DNAH9: variants seen among roughly 807,000 people sequenced by gnomAD.
DNAH9 encodes the protein DNAH9 variant protein.
Under a neutral mutation model 471.6 loss-of-function variants are expected in DNAH9, and 345 were observed. That is an observed-to-expected ratio of 0.73 (90% CI 0.67 to 0.80). DNAH9 has a LOEUF of 0.80. Ranked by LOEUF, DNAH9 falls within the 30% of genes least tolerant of loss-of-function variation. The pLI, the probability that DNAH9 is intolerant of heterozygous loss-of-function variation, is 0.00. For synonymous variants in DNAH9, 2,093 were observed against 2,123.6 expected, an observed-to-expected ratio of 0.99 and a Z score of 0.40; for missense variants, 5,407 against 5,609.2, an observed-to-expected ratio of 0.96 and a Z score of 1.15.
chr17:11,843,863 G>GTGTGTGTATGTATATATATATA (rs1253794533), intron 49 of DNAH9, among the ~76,000 whole-genome samples: 1 of 46,466 alleles, frequency 2.2e-5, no homozygotes, highest in African/African-American at 8.1e-5. Context: ...GTGTGTGTGT[G>GTGTGTGTATGTATATATATATA]TATATATATA....
intron 17 of DNAH9, among the ~76,000 whole-genome samples, 192 bp downstream of exon 17, chr17:11,669,986 G>C (rs962153738): frequency 1.3e-5 from 2 of 152,106 alleles, no homozygotes; most frequent in East Asian, 3.9e-4. Context: ...ACCAGATAAG[G>C]CCTCTTTGTT....
chr17:11,878,233 ATTAATTC>A (rs1423390769), intron 53 of DNAH9, among the ~76,000 whole-genome samples: 9 of 116,608 alleles, frequency 7.7e-5, no homozygotes, highest in Non-Finnish European at 1.9e-4. Flanking sequence ...AATATGTTCA[ATTAATTC>A]TTAGTTCATG....
chr17:11,618,398 C>T (rs1411212620), intron 5 of DNAH9, among the ~76,000 whole-genome samples: 1 of 151,862 alleles, frequency 6.6e-6, no homozygotes, highest in East Asian at 1.9e-4. Flanking sequence ...CCATCCTGGC[C>T]AACATGGTGA....
chr17:11,610,431 T>C lies in DNAH9; in HGVS notation c.650T>C (p.Ile217Thr), dbSNP rs143037410. Residue 217 changes from isoleucine (I) to threonine (T), a missense_variant, in exon 3 of 69, where the codon ATT (isoleucine) becomes ACT (threonine). Physicochemically the swap from Ile to Thr is moderately conservative, Grantham distance 89 (BLOSUM62 -1). This residue lies in a region of DNAH9 where 767 missense variants were observed against 692.5 expected (regional missense o/e 1.11). Coordinates refer to ENST00000262442, the MANE Select transcript of DNAH9 (RefSeq NM_001372.4). ...ATAGATAAGTCAGTCATCTATGCCA[T>C]TGAGTCTGCAGTGATCAAATGGAGC... ...DSIDKSVIYA[I>T]ESAVIKWSYQ... The C allele has an allele frequency of 9.9e-5, 160 of 1,613,792 alleles. No homozygotes were observed. The highest frequency in any genetic ancestry group is 3.0e-4 in the Admixed American group (18 of 60,012).
intron 42 of DNAH9, among the ~76,000 whole-genome samples, chr17:11,795,071 A>T (rs923591200): frequency 2.0e-5 from 2 of 98,490 alleles, no homozygotes; most frequent in Non-Finnish European, 4.2e-5. Context: ...CTTAAAGTAT[A>T]ATAAAAAAAT....
Position 11,698,190 on chromosome 17 carries a change from A to AT in DNAH9, c.4873-1540dup, listed in dbSNP as rs1325769152. On this transcript the variant is annotated intron_variant, in intron 22 of 68. Transcript: ENST00000262442. ...ATTATATTAATATATTATTATATTAATATAATAATATATTAATAATATAAT... is the reference window on the plus strand; with the variant it reads ...ATTATATTAATATATTATTATATTAATTATAATAATATATTAATAATATAAT... Among the ~76,000 whole-genome samples the AT allele has an allele frequency of 2.2e-3, 37 of 16,962 alleles. 1 individual carries two copies. Among genetic ancestry groups the AT allele is most frequent in the East Asian group, 0.014 (4 of 276 alleles). 11.1% of individuals were successfully genotyped at this position (16,962 alleles called of 152,430 possible).
At chr17:11,740,397 C>A (rs1167801166) in intron 29 of DNAH9, among the ~76,000 whole-genome samples, 2 of 152,284 alleles carry the variant, frequency 1.3e-5, no homozygotes, top group South Asian at 4.1e-4. Flanking sequence ...AGGGTGCCAG[C>A]ACGGTCAGGC....
intron 52 of DNAH9, among the ~76,000 whole-genome samples, chr17:11,873,046 T>C (rs1207497601): frequency 6.6e-6 from 1 of 152,248 alleles, no homozygotes; most frequent in Non-Finnish European, 1.5e-5. Flanking sequence ...CTTTCTGTAG[T>C]GATGATTGTT....
Position 11,792,483 on chromosome 17 carries a change from G to A in DNAH9, c.8062-1020G>A, listed in dbSNP as rs569975192. On this transcript the variant is annotated intron_variant, in intron 41 of 68. Transcript: ENST00000262442. The stretch of plus-strand genomic sequence containing the variant: ...TTAGAGAATTTGTTGAGGTTATTGA[G>A]GGGCTCTAACATTGGTGGTCTCCAC... Among the ~76,000 whole-genome samples, 13 of 152,330 alleles carry A rather than the reference G, an allele frequency of 8.5e-5. No individual in the cohort carries two copies. The South Asian group carries it at 2.7e-3, about 32-fold the overall frequency.
chr17:11,754,793 A>C (rs919437006), intron 33 of DNAH9, among the ~76,000 whole-genome samples: 1 of 152,088 alleles, frequency 6.6e-6, no homozygotes, highest in East Asian at 1.9e-4. Context: ...TGTTCACTCT[A>C]TTGATCATTT....
At chr17:11,784,611 A>G (rs1968795311) in intron 41 of DNAH9, 72 bp downstream of exon 41, 1 of 1,601,640 alleles carries the variant, frequency 6.2e-7, no homozygotes, top group African/African-American at 1.3e-5. Flanking sequence ...TCATAAAAAT[A>G]AGTAGCTAAT....
chr17:11,692,949 A>G (rs939493609), intron 20 of DNAH9, among the ~76,000 whole-genome samples: 8 of 152,140 alleles, frequency 5.3e-5, no homozygotes, highest in Non-Finnish European at 1.0e-4. Flanking sequence ...TTTGTCACCC[A>G]GGCTGGAGTG....
At chr17:11,926,035 G>GAAAAAAAAAAAAAAAAAAAAAA (rs71142253) in intron 62 of DNAH9, among the ~76,000 whole-genome samples, 15 of 59,918 alleles carry the variant, frequency 2.5e-4, no homozygotes, top group South Asian at 7.8e-4. Flanking sequence ...GAGATTCTCT[G>GAAAAAAAAAAAAAAAAAAAAAA]AAAAAAAAAA....
intron 43 of DNAH9, among the ~76,000 whole-genome samples, chr17:11,799,747 C>A (rs892016860): frequency 2.0e-5 from 3 of 152,106 alleles, no homozygotes; most frequent in Non-Finnish European, 4.4e-5. Context: ...CCAGGCCTGG[C>A]TAATTTTTTG....
At chr17:11,860,225 T>A (rs73980521) in intron 50 of DNAH9, among the ~76,000 whole-genome samples, 3,557 of 152,292 alleles carry the variant, frequency 0.023, 138 homozygotes, top group African/African-American at 0.081. Context: ...CTCCCCAGAG[T>A]TTCTACTTTC....
rs762112514 is a variant in DNAH9 at position 11,689,971 on chromosome 17, G to A, written c.4149G>A (p.Glu1383=). 281 of 1,613,826 alleles carry A rather than the reference G, an allele frequency of 1.7e-4. No individual in the cohort carries two copies. The highest frequency in any genetic ancestry group is 2.2e-4 in the Non-Finnish European group (265 of 1,179,938). The part of the protein sequence containing the change: ...VAELQNPAIR[E]RHWRQLMQAT... ...AGCTGCAGAATCCAGCCATCCGGGA[G>A]CGGCACTGGAGGCAGCTGATGCAGG... Residue 1383 remains glutamate, a synonymous_variant, in exon 20 of 69, where the codon GAG becomes GAA. Coordinates refer to ENST00000262442, the MANE Select transcript of DNAH9 (RefSeq NM_001372.4).
chr17:11,715,600 T>A (rs1248999582), intron 26 of DNAH9, among the ~76,000 whole-genome samples: 3 of 152,156 alleles, frequency 2.0e-5, no homozygotes, highest in African/African-American at 7.2e-5. Context: ...GGAACCAAAC[T>A]AAATCAATCC....
At chr17:11,895,972 T>C (rs1277899734) in intron 59 of DNAH9, among the ~76,000 whole-genome samples, 1 of 152,238 alleles carries the variant, frequency 6.6e-6, no homozygotes, top group Non-Finnish European at 1.5e-5. Flanking sequence ...AAGATAGTTT[T>C]CTAACTTCTT....
chr17:11,793,010 C>T (rs962471367), intron 41 of DNAH9, among the ~76,000 whole-genome samples: 1 of 152,168 alleles, frequency 6.6e-6, no homozygotes, highest in Non-Finnish European at 1.5e-5. Context: ...AGCATCTAGT[C>T]CACATAACTG....
Sources: gnomAD v4.1 joint callset for allele counts (sites outside exome capture counted in the v4.1 genomes callset) on GRCh38, gnomAD v4.1.1 for gene constraint, gnomAD v4.1.1 regional missense constraint, MANE v1.5 for transcripts, NCBI Gene and HGNC (gene_info 2026-07-23, HGNC 2026-07-21) for gene names.